Variants in SPIC observed in about 807,000 individuals in gnomAD.
The protein encoded by SPIC is Spi-C transcription factor.
In SPIC, 9 loss-of-function variants were observed where a neutral mutation model predicts 16.7. The ratio of observed to expected loss-of-function variants is 0.54; its 90% CI spans 0.33 to 0.94. SPIC has a LOEUF of 0.94. Among genes scored for constraint, SPIC ranks in the 40% least tolerant of loss-of-function variants. The probability of loss-of-function intolerance (pLI) is 0.03; values close to 1 mark genes in which losing one functional copy is unlikely to be tolerated. For synonymous variants in SPIC, 97 were observed against 102.9 expected (o/e 0.94, Z 0.35); for missense variants, 241 against 285.8 (o/e 0.84, Z 1.13).
intron 3 of SPIC, among the ~76,000 whole-genome samples, chr12:101,479,268 A>C (rs1001865151): frequency 3.9e-5 from 4 of 103,450 alleles, no homozygotes; most frequent in African/African-American, 2.1e-4. Context: ...GAAGGAAAGA[A>C]AGAAAGAAAG....
intron 3 of SPIC, 146 bp downstream of exon 3, chr12:101,477,797 A>T: frequency 1.5e-6 from 1 of 652,786 alleles, no homozygotes; most frequent in Non-Finnish European, 2.6e-6. Flanking sequence ...TGGGCAGATC[A>T]CTTAAGACCA....
At position 101,486,657 on chromosome 12, in the gene SPIC, C is replaced by T; in HGVS notation, c.633C>T (p.Ile211=). ...CATCCTATTTCCTGGGGAAAGAGAT[C>T]TTCTATTCACAGTGTGTTCAACCTG... is the stretch of plus-strand genomic sequence containing the variant. ...LSPSYFLGKE[I]FYSQCVQPDQ... Residue 211 remains isoleucine, a synonymous_variant, in exon 6 of 6, where the codon ATC becomes ATT. Transcript: ENST00000551346. 6.2e-7 allele frequency: 1 copy of T among 1,613,956 alleles called. No individual in the cohort carries two copies. The highest frequency in any genetic ancestry group is 8.5e-7 in the Non-Finnish European group (1 of 1,179,864).
chr12:101,481,257 G>A (rs1873188180), intron 4 of SPIC, among the ~76,000 whole-genome samples: 1 of 151,820 alleles, frequency 6.6e-6, no homozygotes, highest in Non-Finnish European at 1.5e-5. Flanking sequence ...TGCGATTATA[G>A]CTCACTGAAG....
Sources: allele counts gnomAD v4.1 joint callset (sites outside exome capture counted in the v4.1 genomes callset), GRCh38; gene constraint gnomAD v4.1.1; transcripts MANE v1.5; gene names NCBI Gene and HGNC (gene_info 2026-07-23, HGNC 2026-07-21).